ZNF385D: variants seen among roughly 807,000 people sequenced by gnomAD.
The protein encoded by ZNF385D is zinc finger protein 659.
Under a neutral mutation model 35.8 loss-of-function variants are expected in ZNF385D, and 15 were observed. The ratio of observed to expected loss-of-function variants is 0.42; its 90% CI spans 0.28 to 0.64. The LOEUF (loss-of-function observed/expected upper bound fraction) is 0.64. Among genes scored for constraint, ZNF385D ranks in the 30% least tolerant of loss-of-function variants. The pLI, the probability that ZNF385D is intolerant of heterozygous loss-of-function variation, is 0.23. For missense variants in ZNF385D, 474 were observed against 494.6 expected, an observed-to-expected ratio of 0.96 and a Z score of 0.39; for synonymous variants, 212 against 186.8, an observed-to-expected ratio of 1.13 and a Z score of -1.10.
chr3:21,851,105 G>A (rs1210189719), intron 3 of ZNF385D, among the ~76,000 whole-genome samples: 1 of 151,378 alleles, frequency 6.6e-6, no homozygotes, highest in Non-Finnish European at 1.5e-5. Context: ...AAAATTTTAA[G>A]AAAACATAAA....
chr3:21,757,933 C>T (rs1350540251), intron 3 of ZNF385D, among the ~76,000 whole-genome samples: 1 of 152,134 alleles, frequency 6.6e-6, no homozygotes, highest in Non-Finnish European at 1.5e-5. Context: ...GTGAATAAAT[C>T]TATTGAAAGT....
chr3:21,581,457 CCAACCTAAATTG>C (rs1456524133), intron 2 of ZNF385D, among the ~76,000 whole-genome samples: 1 of 152,058 alleles, frequency 6.6e-6, no homozygotes, highest in Non-Finnish European at 1.5e-5. Flanking sequence ...TATATTCTCC[CCAACCTAAATTG>C]CAAAAGAGGT....
At chr3:21,557,830 C>T (rs767109379) in intron 3 of ZNF385D, among the ~76,000 whole-genome samples, 2 of 152,078 alleles carry the variant, frequency 1.3e-5, no homozygotes, top group East Asian at 1.9e-4. Flanking sequence ...TTAACTGCCT[C>T]AATTTCAGAA....
intron 1 of ZNF385D, among the ~76,000 whole-genome samples, chr3:21,740,178 G>A (rs1268234698): frequency 6.6e-6 from 1 of 152,158 alleles, no homozygotes. Flanking sequence ...GGACCATGCG[G>A]TGTCTTGTAG....
At chr3:22,367,112 A>G (rs1696691584) in intron 2 of ZNF385D, among the ~76,000 whole-genome samples, 1 of 152,184 alleles carries the variant, frequency 6.6e-6, no homozygotes, top group Non-Finnish European at 1.5e-5. Context: ...AGCCATAGAA[A>G]ACTAATATAT....
intron 3 of ZNF385D, among the ~76,000 whole-genome samples, chr3:21,983,401 G>T (rs868868079): frequency 2.1e-4 from 21 of 99,754 alleles, no homozygotes; most frequent in East Asian, 1.4e-3. Context: ...ACCTATGAGT[G>T]AGAATATGCG....
At chr3:21,630,206 T>C (rs1029049156) in intron 2 of ZNF385D, among the ~76,000 whole-genome samples, 1 of 101,308 alleles carries the variant, frequency 9.9e-6, no homozygotes, top group African/African-American at 3.7e-5. Context: ...CTTTTCTTTC[T>C]TTTTTTTTTT....
intron 4 of ZNF385D, chr3:21,459,390 A>G (rs1450441298): frequency 6.6e-6 from 1 of 152,194 alleles, no homozygotes; most frequent in African/African-American, 2.4e-5. Context: ...AAGCTCCTCA[A>G]TAAAGTACTT....
chr3:21,566,258 A>G (rs2063143234), intron 2 of ZNF385D, among the ~76,000 whole-genome samples: 1 of 152,064 alleles, frequency 6.6e-6, no homozygotes, highest in Non-Finnish European at 1.5e-5. Context: ...TTATCTAACA[A>G]ACATTAATCC....
At chr3:21,786,880 A>AAGT (rs1440007139) in intron 3 of ZNF385D, among the ~76,000 whole-genome samples, 1 of 152,216 alleles carries the variant, frequency 6.6e-6, no homozygotes, top group Non-Finnish European at 1.5e-5. Flanking sequence ...AGCCCATGTG[A>AAGT]AGTAGTCCAT....
intron 3 of ZNF385D, among the ~76,000 whole-genome samples, chr3:22,113,698 A>G (rs1702657820): frequency 6.6e-6 from 1 of 152,090 alleles, no homozygotes; most frequent in Non-Finnish European, 1.5e-5. Flanking sequence ...TATTGACCAA[A>G]TACAAAAAAG....
intron 2 of ZNF385D, among the ~76,000 whole-genome samples, chr3:22,276,961 CTT>C (rs879568971): frequency 2.0e-5 from 3 of 151,968 alleles, no homozygotes; most frequent in Non-Finnish European, 4.4e-5. Context: ...TCACTTAAGA[CTT>C]TATTTTACAT....
At chr3:21,830,628 T>C (rs981882642) in intron 3 of ZNF385D, among the ~76,000 whole-genome samples, 2 of 152,220 alleles carry the variant, frequency 1.3e-5, no homozygotes, top group Non-Finnish European at 2.9e-5. Context: ...GAAGATGAGA[T>C]TGACCTCTAG....
chr3:21,983,387 TCCCA>T (rs1694620725), intron 3 of ZNF385D, among the ~76,000 whole-genome samples: 2 of 112,958 alleles, frequency 1.8e-5, no homozygotes, highest in South Asian at 7.0e-4. Context: ...ATTGTTCAAT[TCCCA>T]CCTATGAGTG....
At chr3:22,281,451 G>C (rs555092456) in intron 2 of ZNF385D, among the ~76,000 whole-genome samples, 1 of 152,146 alleles carries the variant, frequency 6.6e-6, no homozygotes, top group African/African-American at 2.4e-5. Context: ...ACAAAGGGAT[G>C]CTGGATTTTG....
intron 3 of ZNF385D, among the ~76,000 whole-genome samples, chr3:21,791,041 G>C (rs1008771066): frequency 6.6e-6 from 1 of 152,166 alleles, no homozygotes; most frequent in Non-Finnish European, 1.5e-5. Flanking sequence ...CGCCATTTCA[G>C]AATAACAAGC....
intron 3 of ZNF385D, among the ~76,000 whole-genome samples, chr3:22,023,421 C>A (rs147076687): frequency 6.6e-6 from 1 of 152,044 alleles, no homozygotes; most frequent in Non-Finnish European, 1.5e-5. Flanking sequence ...GAAAACCCAG[C>A]GGCATAGACC....
intron 4 of ZNF385D, among the ~76,000 whole-genome samples, chr3:21,506,485 T>C (rs1238204829): frequency 1.3e-5 from 2 of 152,186 alleles, no homozygotes. Flanking sequence ...GATCAGGGAA[T>C]GACCTTGTAC....
chr3:22,244,340 A>G (rs939711276), intron 2 of ZNF385D, among the ~76,000 whole-genome samples: 1 of 145,100 alleles, frequency 6.9e-6, no homozygotes, highest in Non-Finnish European at 1.5e-5. Flanking sequence ...GCTTTGAAGC[A>G]AAGTGATACC....
Sources: allele counts gnomAD v4.1 joint callset (sites outside exome capture counted in the v4.1 genomes callset), GRCh38; gene constraint gnomAD v4.1.1; transcripts MANE v1.5; gene names NCBI Gene and HGNC (gene_info 2026-07-23, HGNC 2026-07-21).